Variants in ADGRV1 observed in about 807,000 individuals in gnomAD.
ADGRV1 encodes the protein G-protein coupled receptor 98.
In ADGRV1, 359 loss-of-function variants were observed where a neutral mutation model predicts 596.2. The ratio of observed to expected loss-of-function variants is 0.60; its 90% CI spans 0.55 to 0.66. ADGRV1 has a LOEUF of 0.66. Among genes scored for constraint, ADGRV1 ranks in the 30% least tolerant of loss-of-function variants. The probability of loss-of-function intolerance (pLI) is 0.00; values close to 1 mark genes in which losing one functional copy is unlikely to be tolerated. For missense variants in ADGRV1, 7,274 were observed against 7,575.6 expected, an observed-to-expected ratio of 0.96 and a Z score of 1.48; for synonymous variants, 2,681 against 2,679.2, an observed-to-expected ratio of 1.00 and a Z score of -0.02.
intron 85 of ADGRV1, among the ~76,000 whole-genome samples, chr5:90,986,566 C>T (rs1040682783): frequency 3.9e-5 from 6 of 152,034 alleles, no homozygotes; most frequent in Admixed American, 1.3e-4. Context: ...AACACACAAA[C>T]GTACACAAAC....
At chr5:91,068,252 C>G (rs904366926) in intron 85 of ADGRV1, among the ~76,000 whole-genome samples, 14 of 151,540 alleles carry the variant, frequency 9.2e-5, no homozygotes, top group African/African-American at 3.4e-4. Flanking sequence ...ATCAGGAGAT[C>G]AAGACCATCC....
At chr5:90,898,442 A>G (rs532447455) in intron 83 of ADGRV1, among the ~76,000 whole-genome samples, 2 of 152,230 alleles carry the variant, frequency 1.3e-5, no homozygotes, top group East Asian at 3.9e-4. Context: ...GATAGTAGAG[A>G]TTCATTTTTA....
chr5:90,778,981 C>T lies in ADGRV1; in HGVS notation c.12966C>T (p.Leu4322=). 1.2e-6 allele frequency: 2 copies of T among 1,613,392 alleles called. No individual in the cohort carries two copies. Among genetic ancestry groups the T allele is most frequent in the East Asian group, 2.2e-5 (1 of 44,862 alleles). Residue 4322 remains leucine, a synonymous_variant, in exon 64 of 90, where the codon CTC becomes CTT. Transcript: ENST00000405460. The part of the protein sequence containing the change: ...GLDFVPAAGE[L]LFEAGEMRKS... ...ATTTTGTTCCTGCAGCAGGGGAGCT[C>T]CTCTTTGAAGCAGGGGAGATGAGGA... is the stretch of plus-strand genomic sequence containing the variant.
rs200511146 is a variant in ADGRV1 at position 91,072,646 on chromosome 5, T to C, written c.18310+42T>C. ...ATTTGTACTTTGGAGATGGAAACGC[T>C]TTAATGGTGGGAAAATGTCACTGAA... On this transcript the variant is annotated intron_variant, in intron 86 of 89. Coordinates refer to ENST00000405460, the MANE Select transcript of ADGRV1 (RefSeq NM_032119.4). 345 of 1,573,976 alleles carry C rather than the reference T, an allele frequency of 2.2e-4. No individual in the cohort carries two copies. The highest frequency in any genetic ancestry group is 1.5e-3 in the Admixed American group (83 of 54,998).
At chr5:90,670,508 AG>A (rs1772302629) in intron 21 of ADGRV1, among the ~76,000 whole-genome samples, 1 of 152,246 alleles carries the variant, frequency 6.6e-6, no homozygotes, top group African/African-American at 2.4e-5. Flanking sequence ...ATAGATTGCC[AG>A]GAGTTAACAC....
chr5:91,163,235 G>A (rs115588920), intron 89 of ADGRV1, among the ~76,000 whole-genome samples: 2,156 of 151,784 alleles, frequency 0.014, 50 homozygotes, highest in African/African-American at 0.049. Flanking sequence ...ACTGTGTTAC[G>A]TAATTATTTT....
In ADGRV1 at chr5:90,652,368, T is replaced by C; in HGVS notation, c.3439T>C (p.Phe1147Leu). Residue 1147 changes from phenylalanine (F) to leucine (L), a missense_variant, in exon 19 of 90, where the codon TTT becomes CTT. Phe to Leu is a conservative substitution (Grantham distance 22). Coordinates refer to ENST00000405460, the MANE Select transcript of ADGRV1 (RefSeq NM_032119.4). The part of the protein sequence containing the change: ...AFWILRHRGY[F>L]GSVSVSWQLF... ...TAGGATTTTGAGGCACCGAGGATAC[T>C]TTGGTAGTGTTTCTGTATCTTGGCA... The C allele has an allele frequency of 6.2e-7, 1 of 1,603,778 alleles. No individual in the cohort carries two copies. Among genetic ancestry groups the C allele is most frequent in the Non-Finnish European group, 8.5e-7 (1 of 1,176,092 alleles).
chr5:90,823,533 G>T lies in ADGRV1; in HGVS notation c.16305G>T (p.Gly5435=). The change falls in exon 76 of 90, where the codon GGG becomes GGT. Residue 5435 remains glycine (G), a synonymous_variant. Transcript: ENST00000405460. The stretch of plus-strand genomic sequence containing the variant: ...TGGAGGAACTTCAGTCTGTGTCAGG[G>T]ACCACAACCTGTACAATGGGTCAAA... ...NLVEELQSVS[G]TTTCTMGQTK... 6.2e-7 allele frequency: 1 copy of T among 1,613,902 alleles called. No individual in the cohort carries two copies. Among genetic ancestry groups the T allele is most frequent in the South Asian group, 1.1e-5 (1 of 91,074 alleles).
intron 84 of ADGRV1, among the ~76,000 whole-genome samples, chr5:90,977,550 C>T (rs754615631): frequency 5.9e-5 from 9 of 152,108 alleles, no homozygotes; most frequent in Non-Finnish European, 1.3e-4. Context: ...TGCTAATATG[C>T]ATTATATGAA....
chr5:90,729,870 A>ACT, intron 50 of ADGRV1, 106 bp downstream of exon 50: 1 of 933,688 alleles, frequency 1.1e-6, no homozygotes, highest in South Asian at 1.6e-5. Flanking sequence ...GACACTGGGT[A>ACT]TTTTTTTTTT....
At position 90,828,979 on chromosome 5, in the gene ADGRV1, A is replaced by G. The variant is rs1377034723; in HGVS notation, c.16404A>G (p.Leu5468=). ...TTGAAGTGTATTTTTTTGTGGAACTATATGAAGCTACTGCTGGAGCAGCAA... is the reference window on the plus strand; with the variant it reads ...TTGAAGTGTATTTTTTTGTGGAACTGTATGAAGCTACTGCTGGAGCAGCAA... The part of the protein sequence containing the change: ...PQVEVYFFVE[L]YEATAGAAIN... Residue 5468 remains leucine, a synonymous_variant, in exon 77 of 90, where the codon CTA becomes CTG. Coordinates refer to ENST00000405460, the MANE Select transcript of ADGRV1 (RefSeq NM_032119.4). 8 of 1,599,428 alleles carry G rather than the reference A, an allele frequency of 5.0e-6. No homozygotes were observed. Among genetic ancestry groups the G allele is most frequent in the East Asian group, 4.5e-5 (2 of 44,804 alleles).
At chr5:91,051,775 C>T (rs1362467324) in intron 85 of ADGRV1, among the ~76,000 whole-genome samples, 19 of 151,958 alleles carry the variant, frequency 1.3e-4, no homozygotes, top group Non-Finnish European at 2.5e-4. Flanking sequence ...TCTTGATCTA[C>T]TTAGGATATT....
At chr5:90,948,978 C>T (rs574261914) in intron 83 of ADGRV1, among the ~76,000 whole-genome samples, 3 of 152,092 alleles carry the variant, frequency 2.0e-5, no homozygotes, top group East Asian at 3.9e-4. Flanking sequence ...AAATAGTAAA[C>T]AACTCAGGTG....
intron 82 of ADGRV1, among the ~76,000 whole-genome samples, chr5:90,862,423 C>G (rs1767694169): frequency 6.6e-6 from 1 of 152,140 alleles, no homozygotes; most frequent in Non-Finnish European, 1.5e-5. Flanking sequence ...CACATTCACA[C>G]ACTCAACTTA....
intron 85 of ADGRV1, among the ~76,000 whole-genome samples, chr5:91,046,850 G>T (rs1785862418): frequency 6.6e-6 from 1 of 152,128 alleles, no homozygotes; most frequent in African/African-American, 2.4e-5. Context: ...CCAAAAGTGG[G>T]CTAAGGACAT....
At chr5:90,960,175 C>T (rs1777891803) in intron 83 of ADGRV1, among the ~76,000 whole-genome samples, 1 of 149,696 alleles carries the variant, frequency 6.7e-6, no homozygotes, top group Non-Finnish European at 1.5e-5. Flanking sequence ...TCAGTGTATG[C>T]CTAGGGTGGT....
chr5:90,789,345 T>C (rs928426879), intron 68 of ADGRV1, among the ~76,000 whole-genome samples: 1 of 152,212 alleles, frequency 6.6e-6, no homozygotes, highest in Non-Finnish European at 1.5e-5. Context: ...CTTCACTCCA[T>C]GTATATCATA....
chr5:90,620,785 G>A (rs1457251585), intron 4 of ADGRV1, among the ~76,000 whole-genome samples: 5 of 152,144 alleles, frequency 3.3e-5, no homozygotes, highest in Non-Finnish European at 2.9e-5. Context: ...TAAGGTGTAA[G>A]GAAGGGATCC....
intron 85 of ADGRV1, among the ~76,000 whole-genome samples, chr5:91,030,098 C>G (rs1784349950): frequency 1.3e-5 from 2 of 152,068 alleles, no homozygotes; most frequent in Admixed American, 1.3e-4. Context: ...TGGGTAAGCT[C>G]TCTCTTCTGT....
Sources: allele counts gnomAD v4.1 joint callset (sites outside exome capture counted in the v4.1 genomes callset), GRCh38; gene constraint gnomAD v4.1.1; transcripts MANE v1.5; gene names NCBI Gene and HGNC (gene_info 2026-07-23, HGNC 2026-07-21).